Variants in RYR2 observed in about 807,000 individuals in gnomAD.
The protein encoded by RYR2 is ryanodine receptor 2, also known as cardiac muscle ryanodine receptor-calcium release channel.
In RYR2, 227 loss-of-function variants were observed where a neutral mutation model predicts 601.1. That is an observed-to-expected ratio of 0.38 (90% CI 0.34 to 0.42). The LOEUF is 0.42. RYR2 is among the 10% of genes least tolerant of loss of function. The pLI, the probability that RYR2 is intolerant of heterozygous loss-of-function variation, is 1.00. For missense variants in RYR2, 4,646 were observed against 6,156.5 expected, an observed-to-expected ratio of 0.75 and a Z score of 8.21; for synonymous variants, 2,223 against 2,175.1, an observed-to-expected ratio of 1.02 and a Z score of -0.61.
intron 1 of RYR2, among the ~76,000 whole-genome samples, chr1:237,050,302 G>A (rs1322608343): frequency 3.3e-5 from 5 of 152,214 alleles, no homozygotes; most frequent in Non-Finnish European, 7.3e-5. Context: ...GAGTGGAACA[G>A]GAGAAAGTGT....
intron 35 of RYR2, among the ~76,000 whole-genome samples, chr1:237,604,334 A>G (rs914801582): frequency 6.6e-6 from 1 of 152,232 alleles, no homozygotes; most frequent in African/African-American, 2.4e-5. Flanking sequence ...GGGGTACATA[A>G]CAAAATGAAG....
chr1:237,591,061 G>C, intron 31 of RYR2, 69 bp downstream of exon 31: 1 of 1,319,430 alleles, frequency 7.6e-7, no homozygotes, highest in East Asian at 2.6e-5. Context: ...CAGAGTAAAG[G>C]GTCTCCTAGT....
intron 47 of RYR2, among the ~76,000 whole-genome samples, 151 bp downstream of exon 47, chr1:237,641,153 T>G (rs1302861030): frequency 1.3e-5 from 2 of 152,172 alleles, no homozygotes; most frequent in African/African-American, 4.8e-5. Flanking sequence ...CAAGTGTTTG[T>G]TTAGTTGGAA....
chr1:237,795,919 C>T (rs959567550), intron 96 of RYR2, among the ~76,000 whole-genome samples: 14 of 144,782 alleles, frequency 9.7e-5, no homozygotes, highest in African/African-American at 3.1e-4. Context: ...CACATATGCA[C>T]GCGTATGTGT....
intron 62 of RYR2, among the ~76,000 whole-genome samples, chr1:237,683,929 C>CTTG (rs1433311412): frequency 6.6e-6 from 1 of 150,800 alleles, no homozygotes; most frequent in Non-Finnish European, 1.5e-5. Flanking sequence ...GGGTCTTTTT[C>CTTG]TTCTTCTTCT....
intron 2 of RYR2, among the ~76,000 whole-genome samples, chr1:237,315,019 T>G (rs1401916304): frequency 1.3e-5 from 2 of 152,164 alleles, no homozygotes; most frequent in Non-Finnish European, 1.5e-5. Context: ...TATTATGGTA[T>G]TTGCCAAAAA....
chr1:237,766,295 ATTG>A (rs1266076084), intron 84 of RYR2, among the ~76,000 whole-genome samples: 10 of 152,182 alleles, frequency 6.6e-5, no homozygotes, highest in African/African-American at 2.4e-4. Flanking sequence ...CCTAACGTTT[ATTG>A]TTCAAATAAT....
Position 237,784,483 on chromosome 1 carries a change from A to G in RYR2, c.12771A>G (p.Arg4257=), listed in dbSNP as rs780909170. 6.2e-7 allele frequency: 1 copy of G among 1,613,666 alleles called. No individual in the cohort carries two copies. Among genetic ancestry groups the G allele is most frequent in the Admixed American group, 1.7e-5 (1 of 59,982 alleles). ...ALRYNILTLM[R]MLSLKSLKKQ... ...GGTACAATATCTTGACCCTTATGCG[A>G]ATGCTCAGTCTGAAGAGCCTGAAGA... is the stretch of plus-strand genomic sequence containing the variant. Residue 4257 remains arginine, a synonymous_variant, in exon 90 of 105, where the codon CGA becomes CGG. Transcript: ENST00000366574. This position sits in a 1 kb window ranked among gnomAD's most constrained non-coding sequence, Gnocchi z 7.1.
chr1:237,351,864 A>G (rs1698876549), intron 3 of RYR2, among the ~76,000 whole-genome samples: 1 of 150,392 alleles, frequency 6.6e-6, no homozygotes, highest in Non-Finnish European at 1.5e-5. Flanking sequence ...CAAAAAAAAA[A>G]AAAAAAAAAA....
chr1:237,608,009 T>C (rs945554383), intron 35 of RYR2, among the ~76,000 whole-genome samples: 1 of 152,216 alleles, frequency 6.6e-6, no homozygotes. Flanking sequence ...TACGTATGCA[T>C]ACCTATATAC....
At chr1:237,644,691 A>T (rs1469825691) in intron 48 of RYR2, among the ~76,000 whole-genome samples, 1 of 152,158 alleles carries the variant, frequency 6.6e-6, no homozygotes, top group Non-Finnish European at 1.5e-5. Context: ...TTTATTGGAT[A>T]TTTATACATA....
intron 3 of RYR2, among the ~76,000 whole-genome samples, chr1:237,334,364 C>T (rs919593657): frequency 6.6e-6 from 1 of 151,738 alleles, no homozygotes; most frequent in African/African-American, 2.4e-5. Context: ...AGTAAAATAA[C>T]TCATATTTTT....
At chr1:237,550,786 A>T in intron 27 of RYR2, 95 bp downstream of exon 27, 1 of 1,296,512 alleles carries the variant, frequency 7.7e-7, no homozygotes, top group South Asian at 1.7e-5. Flanking sequence ...TACTGGATAG[A>T]GTCCTCTAGT....
intron 17 of RYR2, among the ~76,000 whole-genome samples, chr1:237,474,787 G>C (rs1400161772): frequency 1.3e-5 from 2 of 152,168 alleles, no homozygotes; most frequent in African/African-American, 4.8e-5. Flanking sequence ...GCCAGCATAA[G>C]AGAAGACACC....
intron 3 of RYR2, among the ~76,000 whole-genome samples, chr1:237,331,738 C>T (rs9803686): frequency 0.079 from 11,920 of 151,248 alleles, 1,133 homozygotes; most frequent in African/African-American, 0.22. Context: ...ATGGTCTTGA[C>T]CTCCTGACCT....
chr1:237,638,908 T>G (rs1222970846), intron 45 of RYR2, 107 bp from the exon 46 acceptor site: 1 of 1,283,362 alleles, frequency 7.8e-7, no homozygotes. Flanking sequence ...AGTATATTGT[T>G]GGGTTTTAGT....
chr1:237,550,012 T>A (rs3766851), intron 26 of RYR2, among the ~76,000 whole-genome samples: 41,806 of 151,288 alleles, frequency 0.28, 5,914 homozygotes, highest in South Asian at 0.39. Context: ...GTCATTTTAG[T>A]GCCCCTGGCA....
At chr1:237,561,345 G>C (rs997121090) in intron 27 of RYR2, among the ~76,000 whole-genome samples, 2 of 152,206 alleles carry the variant, frequency 1.3e-5, no homozygotes, top group African/African-American at 2.4e-5. Context: ...CAAGTGATCT[G>C]TATGGAAAAG....
At chr1:237,803,400 T>C (rs1052078803) in intron 98 of RYR2, among the ~76,000 whole-genome samples, 2 of 151,968 alleles carry the variant, frequency 1.3e-5, no homozygotes, top group Admixed American at 1.3e-4. Flanking sequence ...GCCTCCTGGG[T>C]TCACACCATT....
Sources: gnomAD v4.1 joint callset for allele counts (sites outside exome capture counted in the v4.1 genomes callset) on GRCh38, gnomAD v4.1.1 for gene constraint, Gnocchi (gnomAD v3.1) non-coding constraint, MANE v1.5 for transcripts, NCBI Gene and HGNC (gene_info 2026-07-23, HGNC 2026-07-21) for gene names.